Variants in XRCC4 observed in about 807,000 individuals in gnomAD.
XRCC4 encodes DNA repair protein XRCC4.
XRCC4 carries 28 observed loss-of-function variants against 39.1 expected under a neutral mutation model. The observed-to-expected ratio is 0.72, with a 90% confidence interval of 0.53 to 0.98. XRCC4 has a LOEUF of 0.98. XRCC4 is among the 50% of genes least tolerant of loss of function. The pLI is 0.00. For synonymous variants in XRCC4, 123 were observed against 126.4 expected (o/e 0.97, Z 0.18); for missense variants, 350 against 376.4 (o/e 0.93, Z 0.58).
intron 1 of XRCC4, among the ~76,000 whole-genome samples, chr5:83,084,166 T>C (rs377040068): frequency 1.3e-5 from 2 of 152,186 alleles, no homozygotes; most frequent in South Asian, 4.1e-4. Context: ...CTGGGTCTTT[T>C]GAGTGTAAAA....
chr5:83,130,508 C>T (rs1370160413), intron 3 of XRCC4, among the ~76,000 whole-genome samples: 1 of 152,096 alleles, frequency 6.6e-6, no homozygotes, highest in African/African-American at 2.4e-5. Context: ...AGGATTCCCT[C>T]TTTTTTTATT....
chr5:83,153,214 CT>C (rs36084579), intron 3 of XRCC4, among the ~76,000 whole-genome samples: 194 of 145,126 alleles, frequency 1.3e-3, no homozygotes, highest in Admixed American at 1.8e-3. Context: ...TTCATTCAAA[CT>C]TTTTTTTTTT....
intron 6 of XRCC4, among the ~76,000 whole-genome samples, chr5:83,239,142 G>A (rs958841840): frequency 1.3e-5 from 2 of 152,188 alleles, no homozygotes; most frequent in Non-Finnish European, 2.9e-5. Context: ...TTTGTTAAAT[G>A]CCTGTTAGGT....
chr5:83,122,546 A>C (rs944193693), intron 3 of XRCC4, among the ~76,000 whole-genome samples: 1 of 152,170 alleles, frequency 6.6e-6, no homozygotes, highest in Non-Finnish European at 1.5e-5. Flanking sequence ...GATCTCATCA[A>C]TTACTCAGCA....
intron 1 of XRCC4, among the ~76,000 whole-genome samples, chr5:83,078,461 TAGA>T (rs1198597090): frequency 6.6e-6 from 1 of 152,226 alleles, no homozygotes; most frequent in African/African-American, 2.4e-5. Flanking sequence ...TTTATGGACT[TAGA>T]AGGTGGATAG....
At chr5:83,090,196 C>T (rs960117879) in intron 1 of XRCC4, among the ~76,000 whole-genome samples, 4 of 152,106 alleles carry the variant, frequency 2.6e-5, no homozygotes, top group African/African-American at 9.7e-5. Flanking sequence ...TGGCTGTTTC[C>T]CCATGTAAAT....
At chr5:83,184,493 A>G (rs1297590283) in intron 3 of XRCC4, among the ~76,000 whole-genome samples, 1 of 152,126 alleles carries the variant, frequency 6.6e-6, no homozygotes, top group Non-Finnish European at 1.5e-5. Context: ...TAGTTAGGAA[A>G]AAAAATTACT....
intron 6 of XRCC4, among the ~76,000 whole-genome samples, chr5:83,250,603 T>C (rs28360215): frequency 0.051 from 7,745 of 152,252 alleles, 269 homozygotes; most frequent in South Asian, 0.16. Flanking sequence ...ACCCAAAAGT[T>C]CTACCCAAAA....
chr5:83,108,401 A>G (rs1442094483), intron 2 of XRCC4, among the ~76,000 whole-genome samples: 2 of 151,792 alleles, frequency 1.3e-5, no homozygotes, highest in African/African-American at 2.4e-5. Context: ...TTCCTTTCAT[A>G]CGTTTTTTTC....
intron 7 of XRCC4, among the ~76,000 whole-genome samples, chr5:83,267,167 C>G (rs1465492353): frequency 9.2e-5 from 14 of 152,024 alleles, no homozygotes; most frequent in Non-Finnish European, 1.9e-4. Context: ...GAAGACTGAC[C>G]AGGAGGAAGT....
At chr5:83,094,919 C>T (rs1158266688) in intron 1 of XRCC4, among the ~76,000 whole-genome samples, 1 of 135,592 alleles carries the variant, frequency 7.4e-6, no homozygotes, top group Non-Finnish European at 1.6e-5. Flanking sequence ...TTTATGGATT[C>T]CATTTTCTTT....
intron 7 of XRCC4, among the ~76,000 whole-genome samples, chr5:83,300,689 T>C (rs1350791474): frequency 6.6e-6 from 1 of 151,666 alleles, no homozygotes; most frequent in African/African-American, 2.4e-5. Context: ...CATCAACCGG[T>C]CATCTACATT....
intron 4 of XRCC4, among the ~76,000 whole-genome samples, chr5:83,201,017 C>G (rs181017524): frequency 1.3e-3 from 192 of 152,114 alleles, no homozygotes; most frequent in African/African-American, 4.4e-3. Flanking sequence ...GAGAACTTTG[C>G]TTAATGAAGG....
chr5:83,125,696 G>C (rs1465593060), intron 3 of XRCC4, among the ~76,000 whole-genome samples: 1 of 152,010 alleles, frequency 6.6e-6, no homozygotes, highest in African/African-American at 2.4e-5. Flanking sequence ...TACCCTTTAA[G>C]TTGAGTTATG....
intron 7 of XRCC4, chr5:83,310,690 C>T (rs1361455604): frequency 2.8e-5 from 12 of 424,688 alleles, no homozygotes; most frequent in Admixed American, 5.3e-5. Context: ...TACGGTAAAA[C>T]GTATTTTGCA....
intron 6 of XRCC4, among the ~76,000 whole-genome samples, chr5:83,236,330 A>G (rs988007263): frequency 2.6e-5 from 4 of 152,202 alleles, no homozygotes; most frequent in African/African-American, 9.6e-5. Flanking sequence ...ACAAAATTGT[A>G]GTAACCAAAA....
chr5:83,331,223 T>C (rs1756428391), intron 7 of XRCC4, among the ~76,000 whole-genome samples: 1 of 152,112 alleles, frequency 6.6e-6, no homozygotes, highest in South Asian at 2.1e-4. Context: ...CATTTCTATT[T>C]ATCAGATGGT....
intron 3 of XRCC4, among the ~76,000 whole-genome samples, chr5:83,178,108 A>C (rs1292557185): frequency 6.6e-6 from 1 of 152,164 alleles, no homozygotes; most frequent in Non-Finnish European, 1.5e-5. Context: ...AAGCAAAATC[A>C]AGGATGATGC....
In XRCC4 at chr5:83,191,597, G is replaced by A. The variant is rs1456960748; in HGVS notation, c.316-4173G>A. On this transcript the variant is annotated intron_variant, in intron 3 of 7. Coordinates refer to ENST00000396027, the MANE Select transcript of XRCC4 (RefSeq NM_003401.5). ...CCCCTGTAATCCCAGCTACTCAGGA[G>A]GCTGAGGCAGGAGAATCACTTGAAC... Among the ~76,000 whole-genome samples, 3 of 152,178 alleles carry A rather than the reference G, an allele frequency of 2.0e-5. No individual in the cohort carries two copies. In the East Asian group the frequency reaches 5.8e-4, roughly 29 times the overall value.
Sources: allele counts gnomAD v4.1 joint callset (sites outside exome capture counted in the v4.1 genomes callset), GRCh38; gene constraint gnomAD v4.1.1; transcripts MANE v1.5; gene names NCBI Gene and HGNC (gene_info 2026-07-23, HGNC 2026-07-21).